The following CCDC146 variants were observed in gnomAD, a reference collection of about 807,000 sequenced individuals.
CCDC146 encodes the protein coiled-coil domain-containing protein 146.
Under a neutral mutation model 119.3 loss-of-function variants are expected in CCDC146, and 92 were observed. The observed-to-expected ratio is 0.77, with a 90% CI of 0.65 to 0.92. The LOEUF (loss-of-function observed/expected upper bound fraction) is 0.92, where lower values mean the gene tolerates loss of function less well. Among genes scored for constraint, CCDC146 ranks in the 40% least tolerant of loss-of-function variants. CCDC146 has a pLI of 0.00. For synonymous variants in CCDC146, 372 were observed against 371.8 expected (o/e 1.00, Z -0.01); for missense variants, 1,000 against 1,103.0 (o/e 0.91, Z 1.32).
rs1793404005 is a variant in CCDC146 at position 77,266,452 on chromosome 7, C to T, written c.1173+4145C>T. On this transcript the variant is annotated intron_variant, in intron 9 of 18. Coordinates refer to ENST00000285871, the MANE Select transcript of CCDC146 (RefSeq NM_020879.3). ...GAATTCCTACCTATGTTACTTGTTTCCAAACCTTTGAATTGGGATTATTGC... is the reference window on the plus strand; with the variant it reads ...GAATTCCTACCTATGTTACTTGTTTTCAAACCTTTGAATTGGGATTATTGC... Among the ~76,000 whole-genome samples, 6 of 152,080 alleles carry T rather than the reference C, an allele frequency of 3.9e-5. No individual in the cohort carries two copies. The South Asian group carries it at 1.2e-3, about 32-fold the overall frequency.
At chr7:77,195,050 A>G (rs1791839661) in intron 2 of CCDC146, 2 of 152,072 alleles carry the variant, frequency 1.3e-5, no homozygotes, top group South Asian at 4.1e-4. Flanking sequence ...TGTCCTAGAG[A>G]AACTTAGCCT....
intron 17 of CCDC146, among the ~76,000 whole-genome samples, chr7:77,289,838 TAC>T (rs1468978038): frequency 6.6e-6 from 1 of 152,236 alleles, no homozygotes; most frequent in Non-Finnish European, 1.5e-5. Context: ...GTTGGCCAGT[TAC>T]ACAGATGGAC....
At chr7:77,159,476 G>A (rs3114348) in intron 1 of CCDC146, among the ~76,000 whole-genome samples, 60,426 of 151,226 alleles carry the variant, frequency 0.4, 12,637 homozygotes, top group African/African-American at 0.52. Context: ...TTCCTTTCCT[G>A]TGGCTGTAAA....
At chr7:77,163,151 T>G (rs1156967002) in intron 1 of CCDC146, among the ~76,000 whole-genome samples, 2 of 152,120 alleles carry the variant, frequency 1.3e-5, no homozygotes, top group East Asian at 3.8e-4. Context: ...ACCATCTTGA[T>G]TATAAAGATT....
At chr7:77,193,275 A>G (rs1357422523) in intron 2 of CCDC146, 1 of 152,370 alleles carries the variant, frequency 6.6e-6, no homozygotes, top group East Asian at 1.9e-4. Context: ...CTTCTTGTTA[A>G]TGAAATAGTA....
At chr7:77,173,218 AAAAG>A (rs1208187729) in intron 2 of CCDC146, among the ~76,000 whole-genome samples, 2 of 152,004 alleles carry the variant, frequency 1.3e-5, no homozygotes, top group Admixed American at 6.6e-5. Flanking sequence ...TTTAAGAAGA[AAAAG>A]AAAATTTAGA....
intron 11 of CCDC146, 98 bp downstream of exon 11, chr7:77,274,750 C>A (rs905069324): frequency 1.1e-5 from 10 of 928,128 alleles, no homozygotes; most frequent in Non-Finnish European, 1.6e-5. Context: ...AAGCTAGAAA[C>A]CATCATTGTC....
chr7:77,254,604 A>G, intron 5 of CCDC146, 41 bp downstream of exon 5: 1 of 1,064,824 alleles, frequency 9.4e-7, no homozygotes, highest in East Asian at 2.4e-5. Flanking sequence ...ATACAGCTGG[A>G]TTCAATCATC....
chr7:77,178,423 A>G (rs1467766764), intron 2 of CCDC146, among the ~76,000 whole-genome samples: 1 of 152,234 alleles, frequency 6.6e-6, no homozygotes, highest in Non-Finnish European at 1.5e-5. Context: ...CTGAGCATCT[A>G]CAATATGCCA....
Position 77,140,920 on chromosome 7 carries a change from G to A in CCDC146, c.-12+18188G>A, listed in dbSNP as rs1185310524. The stretch of plus-strand genomic sequence containing the variant: ...CACCATCCCAGTCAAAATTCCATTA[G>A]CCTTTATTTTTTTTTATACTTTCAG... On this transcript the variant is annotated intron_variant, in intron 1 of 18. Coordinates refer to ENST00000285871, the MANE Select transcript of CCDC146 (RefSeq NM_020879.3). 6.6e-5 allele frequency among the ~76,000 whole-genome samples: 10 copies of A among 151,746 alleles called. No individual in the cohort carries two copies. In the South Asian group the frequency reaches 1.5e-3, roughly 22 times the overall value.
intron 2 of CCDC146, among the ~76,000 whole-genome samples, chr7:77,225,900 G>A (rs570617730): frequency 5.9e-5 from 9 of 151,790 alleles, no homozygotes; most frequent in South Asian, 4.2e-4. Flanking sequence ...CTGAGATTGC[G>A]CCATTGCACT....
At chr7:77,152,506 C>T (rs1791121638) in intron 1 of CCDC146, among the ~76,000 whole-genome samples, 2 of 152,310 alleles carry the variant, frequency 1.3e-5, no homozygotes, top group Admixed American at 6.5e-5. Flanking sequence ...CACTTATTAT[C>T]TAAAGTGGTT....
intron 2 of CCDC146, among the ~76,000 whole-genome samples, chr7:77,219,899 C>T (rs1327064139): frequency 6.6e-6 from 1 of 152,032 alleles, no homozygotes; most frequent in East Asian, 1.9e-4. Context: ...GGCAGAGAGG[C>T]AGATTGAGAT....
Position 77,286,815 on chromosome 7 carries a change from C to T in CCDC146, c.2166C>T (p.Asp722=). 6.2e-7 allele frequency: 1 copy of T among 1,613,654 alleles called. No individual in the cohort carries two copies. Among genetic ancestry groups the T allele is most frequent in the South Asian group, 1.1e-5 (1 of 91,062 alleles). Residue 722 remains aspartate, a synonymous_variant, in exon 16 of 19, where the codon GAC becomes GAT. Coordinates refer to ENST00000285871, the MANE Select transcript of CCDC146 (RefSeq NM_020879.3). ...CTTAATAGTTTTCACAGTGTACAGACAGAATTAAAGACCTGGAGAAACAGT... is the reference window on the plus strand; with the variant it reads ...CTTAATAGTTTTCACAGTGTACAGATAGAATTAAAGACCTGGAGAAACAGT... ...VLQIQFSQCT[D]RIKDLEKQFV...
Position 77,138,947 on chromosome 7 carries a change from T to C in CCDC146, c.-12+16215T>C, listed in dbSNP as rs376772522. 4.6e-5 allele frequency among the ~76,000 whole-genome samples: 7 copies of C among 152,344 alleles called. No homozygotes were observed. The South Asian group carries it at 8.3e-4, about 18-fold the overall frequency. ...AAAATGCTATAGTCACTTTGGAAGATAGGCAGCGTCTTACAAAACTAAATA... is the reference window on the plus strand; with the variant it reads ...AAAATGCTATAGTCACTTTGGAAGACAGGCAGCGTCTTACAAAACTAAATA... On this transcript the variant is annotated intron_variant, in intron 1 of 18. Transcript: ENST00000285871.
At chr7:77,188,941 A>C (rs192439255) in intron 2 of CCDC146, among the ~76,000 whole-genome samples, 1 of 152,174 alleles carries the variant, frequency 6.6e-6, no homozygotes, top group Admixed American at 6.5e-5. Flanking sequence ...CTCATCTCCA[A>C]CTTCTGCAAG....
chr7:77,154,457 T>TC (rs1467209687), intron 1 of CCDC146, among the ~76,000 whole-genome samples: 1 of 80,384 alleles, frequency 1.2e-5, no homozygotes, highest in East Asian at 3.8e-4. Context: ...CCCTCCCCCC[T>TC]CCCCCACCCC....
At chr7:77,199,826 C>T (rs745763663) in intron 2 of CCDC146, 156 of 1,595,628 alleles carry the variant, frequency 9.8e-5, no homozygotes, top group Non-Finnish European at 1.3e-4. Context: ...GCAGGGAGTG[C>T]GCAGGGCTGG....
In CCDC146 at chr7:77,281,470, G is replaced by A. The variant is rs115471797; in HGVS notation, c.1919+817G>A. On this transcript the variant is annotated intron_variant, in intron 14 of 18. Coordinates refer to ENST00000285871, the MANE Select transcript of CCDC146 (RefSeq NM_020879.3). ...CAAGTTACTTGTGCTCTGAGAAATTGGAATGTGAAATTTGCAGAGCCCTGT... is the reference window on the plus strand; with the variant it reads ...CAAGTTACTTGTGCTCTGAGAAATTAGAATGTGAAATTTGCAGAGCCCTGT... 7.1e-3 allele frequency among the ~76,000 whole-genome samples: 1,086 copies of A among 152,296 alleles called. 8 individuals are homozygous for A. The highest frequency in any genetic ancestry group is 0.025 in the African/African-American group (1,037 of 41,566).
Sources: allele counts gnomAD v4.1 joint callset (sites outside exome capture counted in the v4.1 genomes callset), GRCh38; gene constraint gnomAD v4.1.1; transcripts MANE v1.5; gene names NCBI Gene and HGNC (gene_info 2026-07-23, HGNC 2026-07-21).